Variants in GRIN2B observed in about 807,000 individuals in gnomAD.
The protein encoded by GRIN2B is glutamate ionotropic receptor NMDA type subunit 2B, also known as glutamate receptor ionotropic, NMDA 2B.
Under a neutral mutation model 114.5 loss-of-function variants are expected in GRIN2B, and 5 were observed. The observed-to-expected ratio is 0.04, with a 90% CI of 0.02 to 0.09. The LOEUF (loss-of-function observed/expected upper bound fraction) is 0.09. Among genes scored for constraint, GRIN2B ranks in the 10% least tolerant of loss-of-function variants. GRIN2B has a pLI of 1.00. For synonymous variants in GRIN2B, 787 were observed against 745.1 expected (o/e 1.06, Z -0.92); for missense variants, 1,108 against 1,943.5 (o/e 0.57, Z 8.08).
intron 2 of GRIN2B, among the ~76,000 whole-genome samples, chr12:13,958,842 C>T (rs187537446): frequency 9.2e-5 from 14 of 152,162 alleles, no homozygotes; most frequent in East Asian, 3.9e-4. Context: ...ATAAAATATG[C>T]CCTTGAAGTC....
intron 3 of GRIN2B, among the ~76,000 whole-genome samples, chr12:13,845,966 T>C (rs1865467289): frequency 6.6e-6 from 1 of 152,200 alleles, no homozygotes; most frequent in Non-Finnish European, 1.5e-5. Context: ...CTACTCACCC[T>C]GAACCCTGTG....
intron 3 of GRIN2B, among the ~76,000 whole-genome samples, chr12:13,859,422 G>C (rs145161931): frequency 2.6e-5 from 4 of 152,324 alleles, no homozygotes; most frequent in Non-Finnish European, 5.9e-5. Flanking sequence ...TTAAAGACAG[G>C]ATGTGCTGGC....
intron 3 of GRIN2B, among the ~76,000 whole-genome samples, chr12:13,778,478 G>T (rs1864046144): frequency 6.6e-6 from 1 of 152,154 alleles, no homozygotes; most frequent in Non-Finnish European, 1.5e-5. Flanking sequence ...GAGGGGACAG[G>T]GTCTTGTGGC....
At chr12:13,734,919 A>G (rs1863153719) in intron 4 of GRIN2B, among the ~76,000 whole-genome samples, 2 of 152,204 alleles carry the variant, frequency 1.3e-5, no homozygotes, top group South Asian at 4.1e-4. Context: ...AAAGACTGCC[A>G]TACTAAGAGA....
At chr12:13,606,294 C>G (rs1038044265) in intron 10 of GRIN2B, among the ~76,000 whole-genome samples, 1 of 152,204 alleles carries the variant, frequency 6.6e-6, no homozygotes, top group Non-Finnish European at 1.5e-5. Flanking sequence ...GTGACATCCT[C>G]AGGCTGCTTC....
intron 5 of GRIN2B, among the ~76,000 whole-genome samples, chr12:13,652,657 G>T (rs1246148985): frequency 6.6e-6 from 1 of 152,142 alleles, no homozygotes; most frequent in African/African-American, 2.4e-5. Flanking sequence ...ACACCAATGG[G>T]CAGGCGGCCT....
At chr12:13,612,302 C>T (rs376594114) in intron 8 of GRIN2B, among the ~76,000 whole-genome samples, 14 of 152,294 alleles carry the variant, frequency 9.2e-5, no homozygotes, top group African/African-American at 3.4e-4. Flanking sequence ...GACCTACCTA[C>T]TATTTTAGAG....
rs550713207 is a variant in GRIN2B, at chr12:13,814,516, G to A, written c.411+51282C>T. ...CTAAGAAGAAAACCAGTGAATTTCA[G>A]TGAATAATGAGAATTGCCTCCAAGT... On this transcript the variant is annotated intron_variant, in intron 3 of 13. Coordinates refer to ENST00000609686, the MANE Select transcript of GRIN2B (RefSeq NM_000834.5). Among the ~76,000 whole-genome samples, 115 of 152,324 alleles carry A rather than the reference G, an allele frequency of 7.5e-4. 1 individual carries two copies. The highest frequency in any genetic ancestry group is 2.5e-3 in the African/African-American group (105 of 41,570).
intron 3 of GRIN2B, among the ~76,000 whole-genome samples, chr12:13,825,984 A>G (rs1411267667): frequency 6.6e-6 from 1 of 151,376 alleles, no homozygotes; most frequent in Non-Finnish European, 1.5e-5. Flanking sequence ...GCTCTAAATC[A>G]TTTTGCTATT....
chr12:13,713,590 C>A (rs187733004), intron 4 of GRIN2B, among the ~76,000 whole-genome samples: 1 of 152,006 alleles, frequency 6.6e-6, no homozygotes, highest in Admixed American at 6.6e-5. Context: ...CTTAATAGAA[C>A]AAGAAGTCAC....
rs961853191 is a variant in GRIN2B, at chr12:13,550,650, A to C, written c.*12133T>G. 3 of 152,176 alleles carry C rather than the reference A, an allele frequency of 2.0e-5. No homozygotes were observed. The highest frequency in any genetic ancestry group is 2.1e-4 in the South Asian group (1 of 4,828). 9.4% of individuals were successfully genotyped at this position (152,176 alleles called of 1,614,324 possible). A position where few individuals can be genotyped will look rare whatever the true frequency, so the allele number is the denominator to read the frequency against. ...AGGATAACTATGTTGCTCTACCACA[A>C]AGAAAATGCTGCCTTCACATAAAGC... On this transcript the variant is annotated 3_prime_UTR_variant, in exon 14 of 14. Transcript: ENST00000609686.
chr12:13,657,304 T>C (rs1949875263), intron 5 of GRIN2B, among the ~76,000 whole-genome samples: 1 of 152,186 alleles, frequency 6.6e-6, no homozygotes. Flanking sequence ...GCCAAATAGC[T>C]TTTCCATGTT....
At chr12:13,772,421 A>G (rs1863923067) in intron 3 of GRIN2B, among the ~76,000 whole-genome samples, 1 of 152,186 alleles carries the variant, frequency 6.6e-6, no homozygotes. Context: ...AGCATAAAGA[A>G]AAGCTAAACC....
intron 3 of GRIN2B, among the ~76,000 whole-genome samples, chr12:13,835,230 G>C (rs538484053): frequency 5.3e-4 from 80 of 152,158 alleles, no homozygotes; most frequent in East Asian, 2.3e-3. Context: ...ACATTGACCA[G>C]TTTTTGTCCT....
At chr12:13,808,436 C>T (rs1864653573) in intron 3 of GRIN2B, among the ~76,000 whole-genome samples, 1 of 152,038 alleles carries the variant, frequency 6.6e-6, no homozygotes, top group African/African-American at 2.4e-5. Context: ...CAGAATGGCT[C>T]AGAATGCCTG....
At chr12:13,587,164 G>A (rs1183120787) in intron 10 of GRIN2B, among the ~76,000 whole-genome samples, 2 of 152,080 alleles carry the variant, frequency 1.3e-5, no homozygotes, top group African/African-American at 4.8e-5. Flanking sequence ...ACAGAGAAGA[G>A]TAAACTTTCT....
At chr12:13,701,583 C>G (rs1260331338) in intron 4 of GRIN2B, among the ~76,000 whole-genome samples, 1 of 151,328 alleles carries the variant, frequency 6.6e-6, no homozygotes. Flanking sequence ...TAGTAGATGT[C>G]TAATTTCATC....
chr12:13,569,471 C>G (rs1323977265), intron 12 of GRIN2B, among the ~76,000 whole-genome samples: 1 of 152,136 alleles, frequency 6.6e-6, no homozygotes, highest in African/African-American at 2.4e-5. Flanking sequence ...CAGGGGTATG[C>G]TTCTACAAGA....
At chr12:13,975,217 T>C (rs1862998734) in intron 2 of GRIN2B, among the ~76,000 whole-genome samples, 1 of 152,178 alleles carries the variant, frequency 6.6e-6, no homozygotes, top group Non-Finnish European at 1.5e-5. Context: ...TGTAGACCTG[T>C]GAAGCGTGGT....
Sources: gnomAD v4.1 joint callset for allele counts (sites outside exome capture counted in the v4.1 genomes callset) on GRCh38, gnomAD v4.1.1 for gene constraint, MANE v1.5 for transcripts, NCBI Gene and HGNC (gene_info 2026-07-23, HGNC 2026-07-21) for gene names.